EEF1AKMT1: variants seen among roughly 807,000 people sequenced by gnomAD.
EEF1AKMT1 encodes EEF1A lysine methyltransferase 1, also known as N-6 adenine-specific DNA methyltransferase 2 (putative).
A neutral mutation model predicts 21.0 loss-of-function variants in EEF1AKMT1; 18 were observed. The ratio of observed to expected loss-of-function variants is 0.86; its 90% CI spans 0.59 to 1.27. The LOEUF (loss-of-function observed/expected upper bound fraction) is 1.27. EEF1AKMT1 is among the 50% of genes most tolerant of loss of function. The pLI, the probability that EEF1AKMT1 is intolerant of heterozygous loss-of-function variation, is 0.00. For missense variants in EEF1AKMT1, 246 were observed against 258.6 expected (o/e 0.95, Z 0.33); for synonymous variants, 109 against 94.8 (o/e 1.15, Z -0.87).
chr13:20,750,932 T>G (rs557611496), intron 2 of EEF1AKMT1, among the ~76,000 whole-genome samples: 118 of 152,298 alleles, frequency 7.7e-4, no homozygotes, highest in African/African-American at 2.7e-3. Context: ...CTTTAATGAT[T>G]AGTAATGTTG....
rs766014793 is a variant in EEF1AKMT1, at chr13:20,731,912, G to A, written c.437C>T (p.Ser146Leu). ...DIVIADPPYL[S>L]EECLRKTSET... The stretch of plus-strand genomic sequence containing the variant: ...CGATGTTTTTCTGAGACATTCCTCC[G>A]AAAGATAGGGAGGATCTGCTATTAC... The change falls in exon 4 of 5, where the codon TCG becomes TTG. Residue 146 changes from serine to leucine, a missense_variant. Ser to Leu is a moderately radical substitution (Grantham distance 145, BLOSUM62 -2). Coordinates refer to ENST00000382758, the MANE Select transcript of EEF1AKMT1 (RefSeq NM_001318939.2). The A allele has an allele frequency of 6.2e-6, 10 of 1,614,026 alleles. No homozygotes were observed. The highest frequency in any genetic ancestry group is 5.1e-6 in the Non-Finnish European group (6 of 1,180,016).
intron 1 of EEF1AKMT1, among the ~76,000 whole-genome samples, chr13:20,764,021 G>T (rs895517532): frequency 2.0e-5 from 3 of 151,466 alleles, no homozygotes; most frequent in Admixed American, 6.6e-5. Context: ...CTTACTAAAG[G>T]TTCATCAATT....
At chr13:20,745,469 A>G (rs1170163208) in intron 2 of EEF1AKMT1, among the ~76,000 whole-genome samples, 3 of 152,074 alleles carry the variant, frequency 2.0e-5, no homozygotes, top group Non-Finnish European at 4.4e-5. Context: ...TTCACTCATG[A>G]TTTGGCTCTC....
At position 20,733,619 on chromosome 13, in the gene EEF1AKMT1, C is replaced by G. The variant is rs1164506451; in HGVS notation, c.228-1498G>C. On this transcript the variant is annotated intron_variant, in intron 3 of 4. Coordinates refer to ENST00000382758, the MANE Select transcript of EEF1AKMT1 (RefSeq NM_001318939.2). ...TCTGAGATCTATTCAAGGAACAGAA[C>G]AGTGTGAAGTATGCTTTCATGGGAG... 3.3e-5 allele frequency among the ~76,000 whole-genome samples: 5 copies of G among 152,130 alleles called. No individual in the cohort carries two copies. In the East Asian group the frequency reaches 9.6e-4, roughly 29 times the overall value.
At chr13:20,741,953 C>G (rs1287102262) in intron 2 of EEF1AKMT1, among the ~76,000 whole-genome samples, 1 of 152,112 alleles carries the variant, frequency 6.6e-6, no homozygotes, top group Non-Finnish European at 1.5e-5. Context: ...AAGAAACTTA[C>G]ACTTGACCCT....
chr13:20,767,230 C>T (rs1330478383), intron 1 of EEF1AKMT1, among the ~76,000 whole-genome samples: 2 of 135,044 alleles, frequency 1.5e-5, no homozygotes, highest in African/African-American at 2.7e-5. Context: ...GGCATGAACC[C>T]GGGAGGCGGA....
chr13:20,773,695 G>C (rs79570457), intron 1 of EEF1AKMT1, among the ~76,000 whole-genome samples: 1 of 152,216 alleles, frequency 6.6e-6, no homozygotes, highest in African/African-American at 2.4e-5. Flanking sequence ...TCCGGCGACC[G>C]GGACGCGAGG....
At chr13:20,752,023 AG>A (rs1233884949) in intron 2 of EEF1AKMT1, among the ~76,000 whole-genome samples, 1 of 152,142 alleles carries the variant, frequency 6.6e-6, no homozygotes, top group East Asian at 1.9e-4. Flanking sequence ...TGAATTTATA[AG>A]ATCTAAAAGT....
At chr13:20,741,289 T>C (rs894138847) in intron 2 of EEF1AKMT1, among the ~76,000 whole-genome samples, 2 of 151,918 alleles carry the variant, frequency 1.3e-5, no homozygotes, top group African/African-American at 4.8e-5. Context: ...GTTTCTTTTC[T>C]GGAAGACAGA....
chr13:20,729,337 T>G (rs2058778244), intron 4 of EEF1AKMT1, 121 bp from the exon 5 acceptor site: 2 of 1,131,404 alleles, frequency 1.8e-6, no homozygotes, highest in Non-Finnish European at 2.5e-6. Context: ...AATTCACAAG[T>G]GGGGGGAGGG....
chr13:20,738,701 ATT>A (rs1462154326), intron 2 of EEF1AKMT1, among the ~76,000 whole-genome samples: 3 of 152,234 alleles, frequency 2.0e-5, no homozygotes, highest in Non-Finnish European at 4.4e-5. Context: ...TCTTGGAAAC[ATT>A]ACACTGAACG....
intron 1 of EEF1AKMT1, among the ~76,000 whole-genome samples, chr13:20,768,620 G>A (rs1436719541): frequency 6.6e-5 from 10 of 152,086 alleles, no homozygotes; most frequent in Non-Finnish European, 1.5e-4. Context: ...TATTGTTAGG[G>A]TATTTTATGT....
At chr13:20,743,809 G>T (rs2818983) in intron 2 of EEF1AKMT1, among the ~76,000 whole-genome samples, 114,639 of 151,734 alleles carry the variant, frequency 0.76, 44,915 homozygotes, top group East Asian at 1. Context: ...CCACATGCAT[G>T]AGGTATTTGT....
At chr13:20,765,620 C>A (rs1047742330) in intron 1 of EEF1AKMT1, among the ~76,000 whole-genome samples, 3 of 151,758 alleles carry the variant, frequency 2.0e-5, no homozygotes, top group Non-Finnish European at 4.4e-5. Flanking sequence ...ACCATGTTGG[C>A]CAGGCTGGTC....
intron 2 of EEF1AKMT1, among the ~76,000 whole-genome samples, chr13:20,755,913 G>C (rs996034992): frequency 1.3e-5 from 2 of 152,098 alleles, no homozygotes; most frequent in African/African-American, 4.8e-5. Context: ...GAAAAAGACA[G>C]ACCACCTCAA....
intron 1 of EEF1AKMT1, among the ~76,000 whole-genome samples, chr13:20,768,081 CTAACATA>C (rs71198998): frequency 0.035 from 5,304 of 152,328 alleles, 194 homozygotes; most frequent in African/African-American, 0.089. Context: ...TCCACTACTT[CTAACATA>C]TATCTATTCT....
intron 1 of EEF1AKMT1, among the ~76,000 whole-genome samples, chr13:20,759,453 A>G (rs1000675480): frequency 4.6e-5 from 7 of 152,014 alleles, no homozygotes; most frequent in African/African-American, 7.2e-5. Context: ...GGTGGCGGGC[A>G]TCTGTAGTCC....
At chr13:20,746,831 A>T (rs2058907932) in intron 2 of EEF1AKMT1, among the ~76,000 whole-genome samples, 2 of 152,252 alleles carry the variant, frequency 1.3e-5, no homozygotes, top group Admixed American at 6.5e-5. Flanking sequence ...GAGCATTGTG[A>T]TGTGATTGTA....
chr13:20,729,299 G>A, intron 4 of EEF1AKMT1, 83 bp from the exon 5 acceptor site: 5 of 1,528,036 alleles, frequency 3.3e-6, no homozygotes, highest in Non-Finnish European at 4.5e-6. Context: ...AGGGGCTCTA[G>A]GCGGACCACC....
Sources: gnomAD v4.1 joint callset for allele counts (sites outside exome capture counted in the v4.1 genomes callset) on GRCh38, gnomAD v4.1.1 for gene constraint, MANE v1.5 for transcripts, NCBI Gene and HGNC (gene_info 2026-07-23, HGNC 2026-07-21) for gene names.